PIK3CB: variants seen among roughly 807,000 people sequenced by gnomAD.
The protein encoded by PIK3CB is phosphatidylinositol-4,5-bisphosphate 3-kinase catalytic subunit beta.
PIK3CB carries 39 observed loss-of-function variants against 136.8 expected under a neutral mutation model. The observed-to-expected ratio is 0.29, with a 90% CI of 0.22 to 0.37. PIK3CB has a LOEUF of 0.37. PIK3CB is among the 10% of genes least tolerant of loss of function. The probability of loss-of-function intolerance (pLI) is 1.00; values close to 1 mark genes in which losing one functional copy is unlikely to be tolerated. For synonymous variants in PIK3CB, 428 were observed against 436.6 expected (o/e 0.98, Z 0.25); for missense variants, 868 against 1,275.4 (o/e 0.68, Z 4.87).
intron 1 of PIK3CB, among the ~76,000 whole-genome samples, chr3:138,810,029 C>T (rs937605233): frequency 6.6e-6 from 1 of 152,034 alleles, no homozygotes; most frequent in African/African-American, 2.4e-5. Flanking sequence ...TACACACACA[C>T]GAACACACAC....
chr3:138,668,948 G>C (rs1326012729), intron 19 of PIK3CB, among the ~76,000 whole-genome samples: 1 of 152,126 alleles, frequency 6.6e-6, no homozygotes, highest in Non-Finnish European at 1.5e-5. Context: ...TCTTATCTCT[G>C]ATTCTGACTC....
At chr3:138,713,422 A>G (rs959572541) in intron 9 of PIK3CB, among the ~76,000 whole-genome samples, 1 of 152,132 alleles carries the variant, frequency 6.6e-6, no homozygotes, top group African/African-American at 2.4e-5. Context: ...CTGTAATCCC[A>G]GCACTTTGGG....
intron 1 of PIK3CB, among the ~76,000 whole-genome samples, chr3:138,816,814 T>TTG (rs1359126098): frequency 6.6e-6 from 1 of 152,094 alleles, no homozygotes; most frequent in Non-Finnish European, 1.5e-5. Context: ...CCATGGCTAA[T>TTG]ATTACAGAGA....
rs1934194194 is a variant in PIK3CB, at chr3:138,834,677, C to A, written c.-122+18G>T. Reference sequence around the variant, plus strand: ...CCCCTCAGCCGCGCCGCATCCGGGTCCCGGCCGCCGCACTCACCTGCCTGG... The same window carrying A: ...CCCCTCAGCCGCGCCGCATCCGGGTACCGGCCGCCGCACTCACCTGCCTGG... On this transcript the variant is annotated intron_variant, in intron 1 of 23. Coordinates refer to ENST00000674063, the MANE Select transcript of PIK3CB (RefSeq NM_006219.3). The A allele has an allele frequency of 6.5e-6, 1 of 154,930 alleles. No homozygotes were observed. Among genetic ancestry groups the A allele is most frequent in the South Asian group, 2.0e-4 (1 of 5,052 alleles). The allele number at this position is 154,930 out of a possible 1,614,324, so 9.6% of individuals were successfully genotyped here.
intron 19 of PIK3CB, among the ~76,000 whole-genome samples, chr3:138,679,230 T>C (rs1250057422): frequency 2.6e-5 from 4 of 152,160 alleles, no homozygotes; most frequent in Admixed American, 2.6e-4. Context: ...AGAATATAGA[T>C]CTGAACATAT....
At chr3:138,792,756 T>G (rs1472202555) in intron 2 of PIK3CB, among the ~76,000 whole-genome samples, 1 of 152,090 alleles carries the variant, frequency 6.6e-6, no homozygotes, top group East Asian at 1.9e-4. Flanking sequence ...GAAGAAGCTG[T>G]AGGATTTCTT....
At chr3:138,756,477 A>G (rs971310664) in intron 3 of PIK3CB, among the ~76,000 whole-genome samples, 6 of 152,206 alleles carry the variant, frequency 3.9e-5, no homozygotes, top group Non-Finnish European at 8.8e-5. Context: ...CAATATTTAA[A>G]TTATTTTTGT....
intron 1 of PIK3CB, among the ~76,000 whole-genome samples, chr3:138,829,413 C>T (rs887880562): frequency 2.6e-5 from 4 of 152,054 alleles, no homozygotes; most frequent in Admixed American, 1.3e-4. Context: ...GCAAGGAGAC[C>T]AGTTAGGAAG....
chr3:138,755,246 C>T (rs2045544121), intron 4 of PIK3CB, among the ~76,000 whole-genome samples: 2 of 152,298 alleles, frequency 1.3e-5, no homozygotes, highest in Middle Eastern at 6.8e-3. Context: ...TCATAAGAAA[C>T]TAAGGATAAT....
chr3:138,692,038 A>ATC (rs2044020628), intron 14 of PIK3CB, among the ~76,000 whole-genome samples: 1 of 152,212 alleles, frequency 6.6e-6, no homozygotes, highest in African/African-American at 2.4e-5. Context: ...TTGATCATTG[A>ATC]AATAATATAA....
chr3:138,663,129 A>G (rs974846907), intron 21 of PIK3CB, among the ~76,000 whole-genome samples: 3 of 152,144 alleles, frequency 2.0e-5, no homozygotes, highest in African/African-American at 7.2e-5. Flanking sequence ...GGCAACCTAC[A>G]AAATGGGAGA....
chr3:138,697,881 T>C (rs2044171932), intron 13 of PIK3CB, among the ~76,000 whole-genome samples: 1 of 151,904 alleles, frequency 6.6e-6, no homozygotes, highest in African/African-American at 2.4e-5. Context: ...TACAGGCACA[T>C]GCCAGCATGT....
At chr3:138,723,738 T>C (rs1428535755) in intron 8 of PIK3CB, among the ~76,000 whole-genome samples, 2 of 152,198 alleles carry the variant, frequency 1.3e-5, no homozygotes, top group Admixed American at 6.5e-5. Flanking sequence ...ACAGACTGCA[T>C]TCCTATACTC....
At chr3:138,800,767 G>A (rs1284652547) in intron 1 of PIK3CB, among the ~76,000 whole-genome samples, 1 of 152,022 alleles carries the variant, frequency 6.6e-6, no homozygotes, top group Admixed American at 6.6e-5. Flanking sequence ...TGGGATTACA[G>A]GTGTGTGCCA....
At chr3:138,735,405 A>C (rs1479541632) in intron 6 of PIK3CB, among the ~76,000 whole-genome samples, 2 of 152,230 alleles carry the variant, frequency 1.3e-5, no homozygotes, top group African/African-American at 4.8e-5. Flanking sequence ...AGAAGGGTTA[A>C]GTTGCACACC....
chr3:138,764,317 G>A (rs1464166313), intron 2 of PIK3CB, among the ~76,000 whole-genome samples: 2 of 151,496 alleles, frequency 1.3e-5, no homozygotes, highest in Non-Finnish European at 2.9e-5. Context: ...CAAGAGTTGT[G>A]GCATGCACCT....
intron 2 of PIK3CB, among the ~76,000 whole-genome samples, chr3:138,782,537 T>C (rs1271948411): frequency 6.6e-6 from 1 of 152,236 alleles, no homozygotes; most frequent in African/African-American, 2.4e-5. Context: ...CTAATTTTTT[T>C]CTTCCACAGT....
chr3:138,829,139 A>G (rs573858094), intron 1 of PIK3CB, among the ~76,000 whole-genome samples: 63 of 151,936 alleles, frequency 4.1e-4, no homozygotes, highest in African/African-American at 1.5e-3. Flanking sequence ...GCACTCAAAC[A>G]GATTATGACA....
At chr3:138,778,084 G>T in intron 2 of PIK3CB, 1 of 342,614 alleles carries the variant, frequency 2.9e-6, no homozygotes, top group South Asian at 2.2e-5. Context: ...AAATCAAATT[G>T]GGTGATGCCA....
Sources: gnomAD v4.1 joint callset for allele counts (sites outside exome capture counted in the v4.1 genomes callset) on GRCh38, gnomAD v4.1.1 for gene constraint, MANE v1.5 for transcripts, NCBI Gene and HGNC (gene_info 2026-07-23, HGNC 2026-07-21) for gene names.